OXR1: variants seen among roughly 807,000 people sequenced by gnomAD.
The protein encoded by OXR1 is oxidation resistance 1.
A neutral mutation model predicts 104.6 loss-of-function variants in OXR1; 41 were observed. That is an observed-to-expected ratio of 0.39 (90% CI 0.31 to 0.51). The LOEUF is 0.51. Ranked by LOEUF, OXR1 falls within the 20% of genes least tolerant of loss-of-function variation. The probability of loss-of-function intolerance (pLI) is 0.77; values close to 1 mark genes in which losing one functional copy is unlikely to be tolerated. For synonymous variants in OXR1, 348 were observed against 348.4 expected (o/e 1.00, Z 0.01); for missense variants, 955 against 1,031.9 (o/e 0.93, Z 1.02).
intron 3 of OXR1, among the ~76,000 whole-genome samples, chr8:106,542,877 G>A (rs536962357): frequency 6.6e-6 from 1 of 152,142 alleles, no homozygotes; most frequent in East Asian, 1.9e-4. Context: ...CCATTCTCTG[G>A]TTTGTTCTGC....
intron 3 of OXR1, among the ~76,000 whole-genome samples, chr8:106,532,114 G>T (rs1353636801): frequency 6.6e-6 from 1 of 152,334 alleles, no homozygotes. Flanking sequence ...AGGAGAGGGA[G>T]TCTTGTGTGC....
chr8:106,532,637 A>C (rs1161027527), intron 3 of OXR1, among the ~76,000 whole-genome samples: 1 of 152,220 alleles, frequency 6.6e-6, no homozygotes, highest in Non-Finnish European at 1.5e-5. Flanking sequence ...TTCCAGACAG[A>C]TGCAGTATAT....
rs114224439 is a variant in OXR1 at position 106,381,903 on chromosome 8, T to C, written c.23+22267T>C. On this transcript the variant is annotated intron_variant, in intron 2 of 16. Transcript: ENST00000517566. Reference sequence around the variant, plus strand: ...TCATACTACAATTCCAGGTGGCATATAAAAGTGGGAAATGGTTACAAACAT... The same window carrying C: ...TCATACTACAATTCCAGGTGGCATACAAAAGTGGGAAATGGTTACAAACAT... Among the ~76,000 whole-genome samples the C allele has an allele frequency of 9.3e-3, 1,415 of 152,304 alleles. 21 individuals are homozygous for C. The highest frequency in any genetic ancestry group is 0.031 in the African/African-American group (1,304 of 41,556).
At chr8:106,468,213 G>A (rs1384685696) in intron 2 of OXR1, among the ~76,000 whole-genome samples, 1 of 151,840 alleles carries the variant, frequency 6.6e-6, no homozygotes, top group East Asian at 1.9e-4. Context: ...CCCTCAAGGA[G>A]CTTACATTTT....
At chr8:106,283,596 A>T (rs935665863) in intron 1 of OXR1, among the ~76,000 whole-genome samples, 1 of 152,218 alleles carries the variant, frequency 6.6e-6, no homozygotes, top group African/African-American at 2.4e-5. Flanking sequence ...CATTTGAGTG[A>T]CTTAAATATC....
At chr8:106,628,970 G>T (rs1439967948) in intron 3 of OXR1, among the ~76,000 whole-genome samples, 2 of 152,096 alleles carry the variant, frequency 1.3e-5, no homozygotes, top group African/African-American at 4.8e-5. Context: ...ATGTTTAACT[G>T]CACTAACACT....
intron 3 of OXR1, among the ~76,000 whole-genome samples, chr8:106,655,222 G>A (rs1246880098): frequency 6.6e-6 from 1 of 151,970 alleles, no homozygotes; most frequent in Admixed American, 6.6e-5. Flanking sequence ...TTTTGATGAT[G>A]GCTTTATAAC....
At chr8:106,279,555 A>G (rs1195806480) in intron 1 of OXR1, among the ~76,000 whole-genome samples, 2 of 152,230 alleles carry the variant, frequency 1.3e-5, no homozygotes, top group Admixed American at 6.5e-5. Context: ...AAAGTTTTCC[A>G]TCAACTGCCT....
chr8:106,579,976 T>A (rs1260824189), intron 3 of OXR1, among the ~76,000 whole-genome samples: 1 of 152,228 alleles, frequency 6.6e-6, no homozygotes, highest in African/African-American at 2.4e-5. Flanking sequence ...AAATCACTAT[T>A]CATGATTTAG....
At chr8:106,443,742 C>T (rs1244395164) in intron 2 of OXR1, among the ~76,000 whole-genome samples, 6 of 151,948 alleles carry the variant, frequency 3.9e-5, no homozygotes, top group Non-Finnish European at 8.8e-5. Flanking sequence ...CTGCTTATTT[C>T]TTTGCTTTCC....
At chr8:106,652,008 T>C (rs2131016856) in intron 3 of OXR1, among the ~76,000 whole-genome samples, 1 of 152,296 alleles carries the variant, frequency 6.6e-6, no homozygotes, top group Middle Eastern at 3.4e-3. Context: ...TTTTTGTCTT[T>C]TTGATGCTAC....
Position 106,706,751 on chromosome 8 carries a change from T to C in OXR1, c.1230T>C (p.His410=), listed in dbSNP as rs373215552. The change falls in exon 9 of 17, where the codon CAT becomes CAC. Residue 410 remains histidine (H), a synonymous_variant. Coordinates refer to ENST00000517566, the MANE Select transcript of OXR1 (RefSeq NM_001198533.2). ...HSTNEVGTLC[H]KTDLNNLEMA... is the part of the protein sequence containing the mutation. The stretch of plus-strand genomic sequence containing the variant: ...CAAATGAAGTTGGGACTTTATGTCA[T>C]AAAACTGATTTAAATAATCTTGAAA... The C allele has an allele frequency of 3.1e-6, 5 of 1,612,410 alleles. No homozygotes were observed. The highest frequency in any genetic ancestry group is 4.2e-6 in the Non-Finnish European group (5 of 1,179,680).
chr8:106,588,103 C>A (rs577776857), intron 3 of OXR1, among the ~76,000 whole-genome samples: 75 of 152,010 alleles, frequency 4.9e-4, no homozygotes, highest in Non-Finnish European at 9.4e-4. Flanking sequence ...AGGCACCCGC[C>A]ACCACGCCCG....
intron 1 of OXR1, among the ~76,000 whole-genome samples, chr8:106,318,113 T>A (rs1814050639): frequency 6.6e-6 from 1 of 152,164 alleles, no homozygotes; most frequent in South Asian, 2.1e-4. Context: ...CACGTAGGCA[T>A]CTCAAGCAGA....
intron 2 of OXR1, among the ~76,000 whole-genome samples, chr8:106,405,573 G>T (rs1462690147): frequency 6.6e-6 from 1 of 152,134 alleles, no homozygotes; most frequent in African/African-American, 2.4e-5. Flanking sequence ...GCCCACCAGA[G>T]TTGTTACATG....
At chr8:106,616,209 T>A (rs112831400) in intron 3 of OXR1, among the ~76,000 whole-genome samples, 10 of 147,278 alleles carry the variant, frequency 6.8e-5, no homozygotes, top group African/African-American at 2.6e-4. Flanking sequence ...GCCTGGCTAA[T>A]TTTTTGGAAT....
chr8:106,630,532 G>A (rs915510549), intron 3 of OXR1, among the ~76,000 whole-genome samples: 6 of 152,148 alleles, frequency 3.9e-5, no homozygotes, highest in African/African-American at 1.4e-4. Context: ...TCGCTGTAAG[G>A]TTTCTTTGTC....
intron 3 of OXR1, among the ~76,000 whole-genome samples, chr8:106,634,746 G>T (rs962718548): frequency 1.3e-5 from 2 of 151,758 alleles, no homozygotes; most frequent in South Asian, 4.2e-4. Flanking sequence ...GGTAATAAAG[G>T]AGGAATATGT....
At chr8:106,416,765 G>C (rs1437076020) in intron 2 of OXR1, among the ~76,000 whole-genome samples, 1 of 152,062 alleles carries the variant, frequency 6.6e-6, no homozygotes, top group Non-Finnish European at 1.5e-5. Context: ...TCCCTTGAAA[G>C]CTCGTCATTC....
Sources: gnomAD v4.1 joint callset for allele counts (sites outside exome capture counted in the v4.1 genomes callset) on GRCh38, gnomAD v4.1.1 for gene constraint, MANE v1.5 for transcripts, NCBI Gene and HGNC (gene_info 2026-07-23, HGNC 2026-07-21) for gene names.